Variants in TGFBR3 observed in about 807,000 individuals in gnomAD.
TGFBR3 encodes the protein transforming growth factor beta receptor 3, also known as transforming growth factor beta receptor type 3.
A neutral mutation model predicts 87.9 loss-of-function variants in TGFBR3; 46 were observed. The observed-to-expected ratio is 0.52, with a 90% confidence interval of 0.41 to 0.67. TGFBR3 has a LOEUF of 0.67. TGFBR3 is among the 30% of genes least tolerant of loss of function. The pLI, the probability that TGFBR3 is intolerant of heterozygous loss-of-function variation, is 0.00. For synonymous variants in TGFBR3, 381 were observed against 391.6 expected, an observed-to-expected ratio of 0.97 and a Z score of 0.32; for missense variants, 866 against 1,041.9, an observed-to-expected ratio of 0.83 and a Z score of 2.32.
chr1:91,839,408 C>T (rs867435453), intron 2 of TGFBR3, among the ~76,000 whole-genome samples: 16 of 152,060 alleles, frequency 1.1e-4, no homozygotes, highest in African/African-American at 3.9e-4. Flanking sequence ...TTTCATACTC[C>T]GTAACATTAA....
intron 2 of TGFBR3, among the ~76,000 whole-genome samples, chr1:91,851,727 A>G (rs1677743898): frequency 6.6e-6 from 1 of 152,192 alleles, no homozygotes. Flanking sequence ...TCACTGTAAA[A>G]CACACCATCA....
At chr1:91,722,898 G>GGGATCACAGGTGTGTGCCACCA in intron 7 of TGFBR3, among the ~76,000 whole-genome samples, 1 of 152,198 alleles carries the variant, frequency 6.6e-6, no homozygotes, top group Non-Finnish European at 1.5e-5. Flanking sequence ...TAAGACCACT[G>GGGATCACAGGTGTGTGCCACCA]TCGTATATGT....
At chr1:91,850,987 A>C (rs1248823270) in intron 2 of TGFBR3, among the ~76,000 whole-genome samples, 1 of 152,182 alleles carries the variant, frequency 6.6e-6, no homozygotes, top group Admixed American at 6.5e-5. Context: ...AAAAGGAAGC[A>C]AAACAAAGAA....
intron 6 of TGFBR3, 97 bp from the exon 7 acceptor site, chr1:91,727,903 A>C: frequency 6.8e-7 from 1 of 1,466,994 alleles, no homozygotes; most frequent in Non-Finnish European, 9.4e-7. Flanking sequence ...GTGTCTGGCC[A>C]GTTGATTAAA....
chr1:91,812,286 C>T (rs284148), intron 2 of TGFBR3, among the ~76,000 whole-genome samples: 19,969 of 152,088 alleles, frequency 0.13, 1,671 homozygotes, highest in East Asian at 0.38. Context: ...ACCACCTTTC[C>T]GCCACACAAT....
At chr1:91,699,468 G>C (rs1671550865) in intron 14 of TGFBR3, among the ~76,000 whole-genome samples, 1 of 125,404 alleles carries the variant, frequency 8.0e-6, no homozygotes, top group Non-Finnish European at 1.6e-5. Flanking sequence ...GTGAGGGCAA[G>C]GTCTAGTTCT....
chr1:91,852,947 G>C (rs2101152882), intron 2 of TGFBR3, among the ~76,000 whole-genome samples: 1 of 152,026 alleles, frequency 6.6e-6, no homozygotes, highest in Middle Eastern at 3.4e-3. Flanking sequence ...TTGAGCTCAA[G>C]AGTTCCAAAC....
intron 1 of TGFBR3, among the ~76,000 whole-genome samples, chr1:91,883,488 T>G (rs550002194): frequency 2.0e-5 from 3 of 152,334 alleles, no homozygotes. Flanking sequence ...GTTATTTTGC[T>G]AGATATTTTG....
intron 3 of TGFBR3, among the ~76,000 whole-genome samples, chr1:91,765,952 A>C (rs1016170315): frequency 1.2e-4 from 19 of 152,306 alleles, no homozygotes; most frequent in African/African-American, 4.6e-4. Context: ...ACATCCATTC[A>C]GATCACTTTT....
chr1:91,905,014 T>G (rs569334654), intron 1 of TGFBR3, among the ~76,000 whole-genome samples: 19 of 152,060 alleles, frequency 1.2e-4, no homozygotes, highest in Non-Finnish European at 2.8e-4. Context: ...TCTTTACCTG[T>G]AAAAAAGGAA....
intron 4 of TGFBR3, among the ~76,000 whole-genome samples, chr1:91,746,456 T>C (rs1209654658): frequency 1.3e-5 from 2 of 152,198 alleles, no homozygotes; most frequent in Non-Finnish European, 2.9e-5. Context: ...GTTAGCCTGA[T>C]GGAAGAGCTT....
intron 3 of TGFBR3, among the ~76,000 whole-genome samples, chr1:91,774,142 ACTTTT>A (rs1674480358): frequency 7.0e-6 from 1 of 143,420 alleles, no homozygotes; most frequent in Non-Finnish European, 1.5e-5. Flanking sequence ...TTTTAGATAT[ACTTTT>A]CTTTTTTTTT....
intron 7 of TGFBR3, among the ~76,000 whole-genome samples, chr1:91,727,008 T>C (rs1672572323): frequency 6.6e-6 from 1 of 152,216 alleles, no homozygotes; most frequent in African/African-American, 2.4e-5. Flanking sequence ...ATCATGCCAA[T>C]GGGCTAAGCC....
Position 91,727,738 on chromosome 1 carries a change from A to T in TGFBR3, c.806T>A (p.Leu269His). The change falls in exon 7 of 17, where the codon CTC becomes CAC. Residue 269 changes from leucine (L) to histidine (H), a missense_variant. By Grantham distance (99) the Leu-to-His change is moderately conservative. Transcript: ENST00000212355. ...CTTTTTGCACTTCAAGATCAGGATG[A>T]GATTTTTGACCACTTCAAGATCCTC... ...SQEDLEVVKN[L>H]ILILKCKKSV... 1 of 1,614,144 alleles carries T rather than the reference A, an allele frequency of 6.2e-7. No homozygotes were observed. The highest frequency in any genetic ancestry group is 8.5e-7 in the Non-Finnish European group (1 of 1,180,002).
intron 12 of TGFBR3, among the ~76,000 whole-genome samples, chr1:91,714,945 G>T (rs1255775797): frequency 1.3e-5 from 2 of 152,242 alleles, no homozygotes; most frequent in African/African-American, 4.8e-5. Flanking sequence ...GCGCCAGCGG[G>T]CTCTGTCCCA....
At chr1:91,772,667 T>C (rs781082654) in intron 3 of TGFBR3, among the ~76,000 whole-genome samples, 2 of 152,230 alleles carry the variant, frequency 1.3e-5, no homozygotes, top group Admixed American at 6.5e-5. Context: ...AATTCTCTAC[T>C]GTGTAAGAAA....
At chr1:91,702,422 G>A (rs929519022) in intron 14 of TGFBR3, among the ~76,000 whole-genome samples, 22 of 149,316 alleles carry the variant, frequency 1.5e-4, no homozygotes, top group East Asian at 8.1e-4. Context: ...CGAGACGGGC[G>A]GATCACAAGG....
At chr1:91,799,266 T>C (rs1015027166) in intron 2 of TGFBR3, among the ~76,000 whole-genome samples, 2 of 152,264 alleles carry the variant, frequency 1.3e-5, no homozygotes, top group Non-Finnish European at 2.9e-5. Context: ...AAATGAAGTA[T>C]GTGCCTTCTC....
At position 91,734,861 on chromosome 1, in the gene TGFBR3, T is replaced by G. The variant is rs750026425; in HGVS notation, c.483A>C (p.Leu161Phe). 6.2e-7 allele frequency: 1 copy of G among 1,614,246 alleles called. No homozygotes were observed. Among genetic ancestry groups the G allele is most frequent in the Non-Finnish European group, 8.5e-7 (1 of 1,180,022 alleles). ...RNFPHGNEHL[L>F]NWARKEYGAV... ...CTCCATACTCTTTTCGGGCCCAATTTAACAGATGTTCATTTCCATGGGGGA... is the reference window on the plus strand; with the variant it reads ...CTCCATACTCTTTTCGGGCCCAATTGAACAGATGTTCATTTCCATGGGGGA... Residue 161 changes from leucine (L) to phenylalanine (F), a missense_variant, in exon 5 of 17, where the codon TTA (leucine) becomes TTC (phenylalanine). Transcript: ENST00000212355.
Sources: gnomAD v4.1 joint callset for allele counts (sites outside exome capture counted in the v4.1 genomes callset) on GRCh38, gnomAD v4.1.1 for gene constraint, MANE v1.5 for transcripts, NCBI Gene and HGNC (gene_info 2026-07-23, HGNC 2026-07-21) for gene names.